ZMYM2: variants seen among roughly 807,000 people sequenced by gnomAD.
The protein encoded by ZMYM2 is zinc finger MYM-type containing 2.
ZMYM2 carries 56 observed loss-of-function variants against 162.8 expected under a neutral mutation model. That is an observed-to-expected ratio of 0.34 (90% CI 0.28 to 0.43). The LOEUF (loss-of-function observed/expected upper bound fraction) is 0.43. Ranked by LOEUF, ZMYM2 falls within the 20% of genes least tolerant of loss-of-function variation. ZMYM2 has a pLI of 1.00. For missense variants in ZMYM2, 1,275 were observed against 1,621.8 expected, an observed-to-expected ratio of 0.79 and a Z score of 3.67; for synonymous variants, 510 against 541.6, an observed-to-expected ratio of 0.94 and a Z score of 0.81.
At chr13:19,992,546 C>T (rs1041806079) in intron 2 of ZMYM2, among the ~76,000 whole-genome samples, 2 of 151,984 alleles carry the variant, frequency 1.3e-5, no homozygotes, top group Admixed American at 6.5e-5. Flanking sequence ...GGTGACAGAA[C>T]GAGACCCTGT....
chr13:19,960,603 G>A (rs1405421285), intron 2 of ZMYM2, among the ~76,000 whole-genome samples: 1 of 152,162 alleles, frequency 6.6e-6, no homozygotes, highest in East Asian at 1.9e-4. Context: ...ATGCTGATCA[G>A]TCCAGTGTAC....
the ZMYM2 span, among the ~76,000 whole-genome samples, chr13:19,902,566 A>T: frequency 6.6e-6 from 1 of 152,156 alleles, no homozygotes; most frequent in Non-Finnish European, 1.5e-5. Flanking sequence ...CAGTGAGCCG[A>T]GATCGTGCCA....
chr13:19,936,457 C>T, the ZMYM2 span, among the ~76,000 whole-genome samples: 1 of 152,088 alleles, frequency 6.6e-6, no homozygotes, highest in Non-Finnish European at 1.5e-5. Flanking sequence ...CATGGTGGCT[C>T]TTGCCTGTAA....
chr13:19,975,648 T>C lies in ZMYM2; in HGVS notation c.-11+15622T>C, dbSNP rs548143867. On this transcript the variant is annotated intron_variant, in intron 2 of 24. Coordinates refer to ENST00000610343, the MANE Select transcript of ZMYM2 (RefSeq NM_197968.4). ...TGATCATTGTTGTACAGGTATCTAT[T>C]TGAGTCATTGCTTTCAGTTATTTTG... Among the ~76,000 whole-genome samples the C allele has an allele frequency of 4.6e-5, 7 of 152,354 alleles. No individual in the cohort carries two copies. The Middle Eastern group carries it at 0.01, about 222-fold the overall frequency.
the ZMYM2 span, among the ~76,000 whole-genome samples, chr13:19,886,075 TC>T: frequency 6.8e-6 from 1 of 147,522 alleles, no homozygotes; most frequent in Non-Finnish European, 1.5e-5. Context: ...TCTATATCCA[TC>T]TTTTATCTAC....
At chr13:20,058,848 G>T (rs759854060) in intron 15 of ZMYM2, 144 bp downstream of exon 15, 1 of 1,048,780 alleles carries the variant, frequency 9.5e-7, no homozygotes, top group African/African-American at 1.6e-5. Context: ...CGTAATTTTA[G>T]ATATTACCTG....
chr13:20,071,874 AACATTG>A (rs1488414479), intron 21 of ZMYM2: 2 of 187,632 alleles, frequency 1.1e-5, no homozygotes, highest in Non-Finnish European at 2.3e-5. Flanking sequence ...GGGTTGCGTT[AACATTG>A]ATGTTCGTTC....
rs144540277 is a variant in ZMYM2, at chr13:19,966,411, G to A, written c.-11+6385G>A. Among the ~76,000 whole-genome samples, 363 of 151,238 alleles carry A rather than the reference G, an allele frequency of 2.4e-3. 14 individuals carry two copies. The East Asian group carries it at 0.068, about 28-fold the overall frequency. On this transcript the variant is annotated intron_variant, in intron 2 of 24. Transcript: ENST00000610343. ...AGCCTCCCAAAGTGCTGGGATTACA[G>A]ATGTGAACCACTGCACCAGGCCTGA...
intron 2 of ZMYM2, among the ~76,000 whole-genome samples, chr13:19,989,647 A>G (rs1455583928): frequency 6.6e-6 from 1 of 152,162 alleles, no homozygotes; most frequent in Non-Finnish European, 1.5e-5. Context: ...TCAACTATTT[A>G]TCCTTTGTGT....
the ZMYM2 span, among the ~76,000 whole-genome samples, chr13:19,882,782 G>A: frequency 8.4e-6 from 1 of 119,488 alleles, no homozygotes; most frequent in Non-Finnish European, 1.7e-5. Context: ...ACAATGACGT[G>A]CGCCACTTCA....
At chr13:20,063,864 T>TATATAAATATATACA in intron 18 of ZMYM2, among the ~76,000 whole-genome samples, 1 of 145,048 alleles carries the variant, frequency 6.9e-6, no homozygotes, top group East Asian at 2.0e-4. Flanking sequence ...ATGTATATAA[T>TATATAAATATATACA]ATATAAATAT....
chr13:19,992,197 T>G (rs1305240923), intron 2 of ZMYM2, among the ~76,000 whole-genome samples: 1 of 152,086 alleles, frequency 6.6e-6, no homozygotes, highest in African/African-American at 2.4e-5. Flanking sequence ...AGATTAAAAT[T>G]TTCAGAAAGA....
At chr13:19,884,915 G>A in the ZMYM2 span, among the ~76,000 whole-genome samples, 1 of 152,132 alleles carries the variant, frequency 6.6e-6, no homozygotes, top group Non-Finnish European at 1.5e-5. Flanking sequence ...ATGTCCTGCC[G>A]ATTGGTCCAT....
the ZMYM2 span, among the ~76,000 whole-genome samples, chr13:19,885,898 C>T: frequency 2.2e-5 from 2 of 90,526 alleles, no homozygotes; most frequent in African/African-American, 9.0e-5. Context: ...TATGTGTATA[C>T]ACATATATAT....
At chr13:20,066,335 A>G (rs1335455409) in intron 19 of ZMYM2, among the ~76,000 whole-genome samples, 2 of 152,188 alleles carry the variant, frequency 1.3e-5, no homozygotes, top group Non-Finnish European at 2.9e-5. Flanking sequence ...AAAGTTAAGT[A>G]CTAGTAGCCT....
At chr13:20,029,260 G>A (rs561329138) in intron 9 of ZMYM2, among the ~76,000 whole-genome samples, 3 of 152,202 alleles carry the variant, frequency 2.0e-5, no homozygotes, top group African/African-American at 7.2e-5. Context: ...TAGCGAATGA[G>A]CTCCCTCAGG....
At chr13:20,077,228 G>C (rs1957569311) in intron 21 of ZMYM2, among the ~76,000 whole-genome samples, 2 of 150,612 alleles carry the variant, frequency 1.3e-5, no homozygotes. Flanking sequence ...AGATAAGCAT[G>C]TTGACAACTT....
At chr13:19,976,556 A>G (rs1956812027) in intron 2 of ZMYM2, among the ~76,000 whole-genome samples, 1 of 152,178 alleles carries the variant, frequency 6.6e-6, no homozygotes, top group South Asian at 2.1e-4. Flanking sequence ...GTATTAAACA[A>G]CAGTTCCCCA....
chr13:19,892,873 C>G, the ZMYM2 span, among the ~76,000 whole-genome samples: 1 of 151,344 alleles, frequency 6.6e-6, no homozygotes, highest in East Asian at 2.0e-4. Context: ...CGCCACCGCG[C>G]CCAGCTAATT....
Sources: allele counts gnomAD v4.1 joint callset (sites outside exome capture counted in the v4.1 genomes callset), GRCh38; gene constraint gnomAD v4.1.1; transcripts MANE v1.5; gene names NCBI Gene and HGNC (gene_info 2026-07-23, HGNC 2026-07-21).